Variants in SCG5 observed in about 807,000 individuals in gnomAD.
The protein encoded by SCG5 is neuroendocrine protein 7B2.
In SCG5, 18 loss-of-function variants were observed where a neutral mutation model predicts 25.7. That is an observed-to-expected ratio of 0.70 (90% CI 0.48 to 1.04). The LOEUF (loss-of-function observed/expected upper bound fraction) is 1.04, where lower values mean the gene tolerates loss of function less well. Among genes scored for constraint, SCG5 ranks in the 50% least tolerant of loss-of-function variants. The probability of loss-of-function intolerance (pLI) is 0.00; values close to 1 mark genes in which losing one functional copy is unlikely to be tolerated. For missense variants in SCG5, 206 were observed against 259.8 expected (o/e 0.79, Z 1.42); for synonymous variants, 101 against 91.7 (o/e 1.10, Z -0.58).
chr15:32,681,485 C>CT (rs61387158), intron 3 of SCG5, among the ~76,000 whole-genome samples: 7,956 of 139,996 alleles, frequency 0.057, 267 homozygotes, highest in Non-Finnish European at 0.073. Context: ...TTTTCTTTTT[C>CT]TTTTTTTTTT....
At chr15:32,655,600 A>G (rs2054104771) in intron 2 of SCG5, among the ~76,000 whole-genome samples, 1 of 152,158 alleles carries the variant, frequency 6.6e-6, no homozygotes, top group Non-Finnish European at 1.5e-5. Context: ...TGTCTCCCCC[A>G]GATTTATATG....
intron 2 of SCG5, among the ~76,000 whole-genome samples, chr15:32,664,781 G>A (rs1157453588): frequency 1.3e-5 from 2 of 152,168 alleles, no homozygotes; most frequent in Admixed American, 1.3e-4. Context: ...ATAAAATGGA[G>A]GCCATTCTGC....
At chr15:32,691,298 GATTGTTGTTAATAGTCA>G (rs1225172024) in intron 4 of SCG5, among the ~76,000 whole-genome samples, 2 of 152,206 alleles carry the variant, frequency 1.3e-5, no homozygotes, top group Non-Finnish European at 2.9e-5. Flanking sequence ...TTACACAGGG[GATTGTTGTTAATAGTCA>G]GACGCTACTC....
chr15:32,651,129 G>T (rs1056470806), intron 2 of SCG5, among the ~76,000 whole-genome samples: 1 of 152,180 alleles, frequency 6.6e-6, no homozygotes, highest in Non-Finnish European at 1.5e-5. Context: ...AACCCTAAAG[G>T]CAGAGATTGC....
At chr15:32,685,151 C>T (rs1260403223) in intron 4 of SCG5, among the ~76,000 whole-genome samples, 1 of 152,044 alleles carries the variant, frequency 6.6e-6, no homozygotes, top group Admixed American at 6.6e-5. Context: ...AAAAATATTC[C>T]GTGATGTGTA....
intron 2 of SCG5, among the ~76,000 whole-genome samples, chr15:32,671,165 C>T (rs2054417095): frequency 6.6e-6 from 1 of 152,096 alleles, no homozygotes; most frequent in East Asian, 1.9e-4. Context: ...GAACTCAGGG[C>T]CCTAACAACA....
At chr15:32,670,423 G>A (rs1186848515) in intron 2 of SCG5, among the ~76,000 whole-genome samples, 1 of 152,240 alleles carries the variant, frequency 6.6e-6, no homozygotes, top group Non-Finnish European at 1.5e-5. Context: ...AGCACAGATA[G>A]AATCATTCCT....
At chr15:32,645,968 G>A (rs761382486) in intron 2 of SCG5, among the ~76,000 whole-genome samples, 5 of 152,110 alleles carry the variant, frequency 3.3e-5, no homozygotes, top group Non-Finnish European at 7.4e-5. Flanking sequence ...ACAGGCGCCC[G>A]CCACCACGCC....
chr15:32,675,023 T>C (rs2054506603), intron 2 of SCG5, among the ~76,000 whole-genome samples: 1 of 152,244 alleles, frequency 6.6e-6, no homozygotes, highest in Admixed American at 6.5e-5. Flanking sequence ...AATGATTTGA[T>C]ATCTAGAGCT....
At chr15:32,661,722 G>C (rs76974915) in intron 2 of SCG5, among the ~76,000 whole-genome samples, 12,788 of 152,214 alleles carry the variant, frequency 0.084, 652 homozygotes, top group Middle Eastern at 0.2. Context: ...TAGAGGCTTT[G>C]TTTTTTCTGC....
chr15:32,696,353 G>A (rs551490460), intron 5 of SCG5, among the ~76,000 whole-genome samples, 161 bp from the exon 6 acceptor site: 9 of 152,192 alleles, frequency 5.9e-5, no homozygotes, highest in African/African-American at 1.9e-4. Flanking sequence ...TCCTGACCTC[G>A]TGATCTGCCC....
At chr15:32,693,087 C>T (rs1003614989) in intron 5 of SCG5, among the ~76,000 whole-genome samples, 1 of 152,120 alleles carries the variant, frequency 6.6e-6, no homozygotes, top group Non-Finnish European at 1.5e-5. Flanking sequence ...ACTCAAAATA[C>T]ACATAATTTA....
intron 2 of SCG5, chr15:32,666,048 TA>T (rs2054312991): frequency 6.6e-6 from 1 of 152,190 alleles, no homozygotes; most frequent in African/African-American, 2.4e-5. Flanking sequence ...AACTTCTGAG[TA>T]GGAAAGAAAT....
At chr15:32,684,429 A>C (rs2054668778) in intron 3 of SCG5, 128 bp from the exon 4 acceptor site, 2 of 632,026 alleles carry the variant, frequency 3.2e-6, no homozygotes, top group Non-Finnish European at 5.7e-6. Context: ...GGTGGCTGCT[A>C]GTGTTCTAAG....
chr15:32,665,510 T>A (rs934314022), intron 2 of SCG5, among the ~76,000 whole-genome samples: 2 of 152,198 alleles, frequency 1.3e-5, no homozygotes, highest in African/African-American at 4.8e-5. Context: ...TTTACATTAT[T>A]GAATTCCTGT....
intron 2 of SCG5, among the ~76,000 whole-genome samples, chr15:32,655,878 C>T (rs1418417291): frequency 6.6e-6 from 1 of 152,206 alleles, no homozygotes; most frequent in Non-Finnish European, 1.5e-5. Context: ...GTTTGCATAT[C>T]ACTTGGTCTA....
intron 4 of SCG5, among the ~76,000 whole-genome samples, chr15:32,690,034 G>A (rs1315620123): frequency 1.3e-5 from 2 of 152,022 alleles, no homozygotes. Context: ...GTAGAGACGG[G>A]GTTTCACCGT....
intron 2 of SCG5, among the ~76,000 whole-genome samples, chr15:32,650,963 C>T (rs748445332): frequency 5.9e-5 from 9 of 152,096 alleles, no homozygotes; most frequent in Non-Finnish European, 8.8e-5. Flanking sequence ...TTTGGGAGGC[C>T]GAGGCGGGCG....
intron 2 of SCG5, among the ~76,000 whole-genome samples, chr15:32,676,317 T>G (rs560000095): frequency 5.3e-5 from 8 of 152,356 alleles, no homozygotes; most frequent in Admixed American, 3.3e-4. Flanking sequence ...ATGGCACTGG[T>G]GCACAGAGGT....
Sources: allele counts gnomAD v4.1 joint callset (sites outside exome capture counted in the v4.1 genomes callset), GRCh38; gene constraint gnomAD v4.1.1; transcripts MANE v1.5; gene names NCBI Gene and HGNC (gene_info 2026-07-23, HGNC 2026-07-21).